The following CD44 variants were observed in gnomAD, a reference collection of about 807,000 sequenced individuals.
CD44 encodes the protein CD44 antigen.
In CD44, 49 loss-of-function variants were observed where a neutral mutation model predicts 88.8. The observed-to-expected ratio is 0.55, with a 90% CI of 0.44 to 0.70. The LOEUF is 0.70. CD44 is among the 30% of genes least tolerant of loss of function. The pLI is 0.00. For synonymous variants in CD44, 325 were observed against 312.3 expected (o/e 1.04, Z -0.43); for missense variants, 883 against 913.8 (o/e 0.97, Z 0.43).
At chr11:35,206,546 A>AAAG (rs1383085497) in intron 11 of CD44, among the ~76,000 whole-genome samples, 1 of 152,272 alleles carries the variant, frequency 6.6e-6, no homozygotes, top group South Asian at 2.1e-4. Flanking sequence ...AATAAACGCT[A>AAAG]AAGAAATTCT....
At chr11:35,186,421 T>C (rs1945682417) in intron 3 of CD44, among the ~76,000 whole-genome samples, 1 of 152,218 alleles carries the variant, frequency 6.6e-6, no homozygotes, top group South Asian at 2.1e-4. Context: ...AGTTCATACT[T>C]TACTTTTAAA....
At chr11:35,197,042 G>A in intron 6 of CD44, 168 bp downstream of exon 6, 1 of 611,184 alleles carries the variant, frequency 1.6e-6, no homozygotes, top group Non-Finnish European at 2.8e-6. Context: ...TGCTTGTATG[G>A]CACCAATAAG....
chr11:35,192,590 G>T (rs905056103), intron 5 of CD44, among the ~76,000 whole-genome samples: 3 of 152,062 alleles, frequency 2.0e-5, no homozygotes, highest in African/African-American at 7.2e-5. Context: ...TGTAGTGGGT[G>T]GCAATAGGGA....
chr11:35,173,060 T>C (rs1944082798), intron 1 of CD44, among the ~76,000 whole-genome samples: 2 of 152,232 alleles, frequency 1.3e-5, no homozygotes, highest in Admixed American at 1.3e-4. Flanking sequence ...TTGGTTCCTC[T>C]TACATTTGCA....
At chr11:35,186,736 T>G (rs1398724440) in intron 3 of CD44, 96 bp from the exon 4 acceptor site, 1 of 748,996 alleles carries the variant, frequency 1.3e-6, no homozygotes, top group East Asian at 2.6e-5. Context: ...TTGGAATAAG[T>G]TATAGTAAAA....
chr11:35,197,909 T>C (rs1946921377), intron 6 of CD44: 2 of 497,664 alleles, frequency 4.0e-6, no homozygotes, highest in East Asian at 6.0e-5. Context: ...TTAAAGAGAA[T>C]ATTCAGTTTT....
intron 17 of CD44, among the ~76,000 whole-genome samples, chr11:35,227,635 G>T (rs1477202966): frequency 6.6e-6 from 1 of 152,222 alleles, no homozygotes; most frequent in African/African-American, 2.4e-5. Flanking sequence ...TGTTGAGGAG[G>T]TATAATTTTT....
At chr11:35,184,636 A>G (rs1263195128) in intron 3 of CD44, among the ~76,000 whole-genome samples, 3 of 152,220 alleles carry the variant, frequency 2.0e-5, no homozygotes. Flanking sequence ...AATTAATATT[A>G]ATTATTACAG....
intron 3 of CD44, among the ~76,000 whole-genome samples, chr11:35,180,900 C>T (rs760975123): frequency 6.6e-5 from 10 of 152,110 alleles, no homozygotes; most frequent in Admixed American, 1.3e-4. Context: ...AAGCAAAATA[C>T]GAGGCTAATG....
chr11:35,186,944 G>A (rs1376498282), intron 4 of CD44, 44 bp downstream of exon 4: 1 of 1,180,880 alleles, frequency 8.5e-7, no homozygotes, highest in South Asian at 1.2e-5. Flanking sequence ...CTATTTTGGG[G>A]AAAGGGCTCA....
intron 17 of CD44, among the ~76,000 whole-genome samples, chr11:35,224,914 A>T (rs1047904974): frequency 6.6e-6 from 1 of 152,218 alleles, no homozygotes; most frequent in Non-Finnish European, 1.5e-5. Context: ...TCCAATCAGT[A>T]GGTCTTCTCT....
intron 15 of CD44, among the ~76,000 whole-genome samples, chr11:35,218,088 T>C (rs1948985557): frequency 6.6e-6 from 1 of 151,498 alleles, no homozygotes; most frequent in Admixed American, 6.6e-5. Context: ...ATGCCCGGCT[T>C]CTTAGAAGTT....
intron 1 of CD44, among the ~76,000 whole-genome samples, chr11:35,154,586 T>A (rs1941607056): frequency 6.6e-6 from 1 of 152,240 alleles, no homozygotes; most frequent in Non-Finnish European, 1.5e-5. Flanking sequence ...AACTATGTCT[T>A]GTAAATGAGA....
intron 1 of CD44, among the ~76,000 whole-genome samples, chr11:35,170,301 G>A (rs1255392785): frequency 6.6e-6 from 1 of 152,136 alleles, no homozygotes; most frequent in Non-Finnish European, 1.5e-5. Flanking sequence ...ATAAAAGTTT[G>A]GCACTACAGA....
At chr11:35,141,671 C>T (rs1857973776) in intron 1 of CD44, among the ~76,000 whole-genome samples, 1 of 152,224 alleles carries the variant, frequency 6.6e-6, no homozygotes, top group Non-Finnish European at 1.5e-5. Flanking sequence ...CCCGCAGTCT[C>T]CCTCCTGCCC....
chr11:35,187,024 G>C, intron 4 of CD44, 124 bp downstream of exon 4: 1 of 648,390 alleles, frequency 1.5e-6, no homozygotes, highest in African/African-American at 1.8e-5. Context: ...TGTAATCCCA[G>C]CACTTTGGGA....
intron 13 of CD44, 46 bp from the exon 14 acceptor site, chr11:35,211,200 G>A (rs780664302): frequency 7.0e-7 from 1 of 1,434,016 alleles, no homozygotes; most frequent in South Asian, 1.1e-5. Flanking sequence ...ATGGTGGGTG[G>A]TGATCTTACA....
At chr11:35,199,853 TCCCTTGGGTGGTAA>T (rs1387935865) in intron 7 of CD44, among the ~76,000 whole-genome samples, 2 of 151,500 alleles carry the variant, frequency 1.3e-5, no homozygotes, top group Non-Finnish European at 2.9e-5. Flanking sequence ...GAAATTAAAT[TCCCTTGGGTGGTAA>T]CCCAAACAGA....
intron 3 of CD44, 55 bp from the exon 4 acceptor site, chr11:35,186,777 G>T (rs1445586043): frequency 1.1e-6 from 1 of 950,778 alleles, no homozygotes; most frequent in African/African-American, 1.6e-5. Context: ...AAAAATGAGG[G>T]TAGATTTTCC....
Sources: allele counts gnomAD v4.1 joint callset (sites outside exome capture counted in the v4.1 genomes callset), GRCh38; gene constraint gnomAD v4.1.1; transcripts MANE v1.5; gene names NCBI Gene and HGNC (gene_info 2026-07-23, HGNC 2026-07-21).